CTDSPL: variants seen among roughly 807,000 people sequenced by gnomAD.
The protein encoded by CTDSPL is CTD small phosphatase-like protein.
Under a neutral mutation model 30.5 loss-of-function variants are expected in CTDSPL, and 8 were observed. The observed-to-expected ratio is 0.26, with a 90% CI of 0.15 to 0.47. The LOEUF (loss-of-function observed/expected upper bound fraction) is 0.47, where lower values mean the gene tolerates loss of function less well. Ranked by LOEUF, CTDSPL falls within the 20% of genes least tolerant of loss-of-function variation. The probability of loss-of-function intolerance (pLI) is 0.99; values close to 1 mark genes in which losing one functional copy is unlikely to be tolerated. For synonymous variants in CTDSPL, 110 were observed against 137.9 expected, an observed-to-expected ratio of 0.80 and a Z score of 1.42; for missense variants, 248 against 366.1, an observed-to-expected ratio of 0.68 and a Z score of 2.63.
At chr3:37,965,645 A>G (rs1559646702) in intron 4 of CTDSPL, among the ~76,000 whole-genome samples, 1 of 152,180 alleles carries the variant, frequency 6.6e-6, no homozygotes, top group East Asian at 1.9e-4. Flanking sequence ...GTCTCACATG[A>G]ACCATAGTCA....
chr3:37,964,623 A>T lies in CTDSPL; in HGVS notation c.320A>T (p.Lys107Ile). The T allele has an allele frequency of 6.2e-7, 1 of 1,614,108 alleles. No homozygotes were observed. Among genetic ancestry groups the T allele is most frequent in the Non-Finnish European group, 8.5e-7 (1 of 1,179,968 alleles). Reference sequence around the variant, plus strand: ...GTGACGGTGCTTGACTATGGAAAGAAATGTGTGGTCATTGATTTAGATGAA... The same window carrying T: ...GTGACGGTGCTTGACTATGGAAAGATATGTGTGGTCATTGATTTAGATGAA... Reference protein sequence around the residue: ...PEVTVLDYGKKCVVIDLDETL... With the variant: ...PEVTVLDYGKICVVIDLDETL... The change falls in exon 4 of 8, where the codon AAA becomes ATA. Residue 107 changes from lysine (K) to isoleucine (I), a missense_variant. Physicochemically the swap from Lys to Ile is moderately radical, Grantham distance 102. Transcript: ENST00000273179.
intron 2 of CTDSPL, among the ~76,000 whole-genome samples, chr3:37,948,388 G>C (rs1352806100): frequency 6.6e-6 from 1 of 152,162 alleles, no homozygotes; most frequent in Non-Finnish European, 1.5e-5. Context: ...ATTAATCTCA[G>C]TCAAAATGGA....
At chr3:37,933,398 C>T (rs2125616149) in intron 1 of CTDSPL, among the ~76,000 whole-genome samples, 1 of 152,192 alleles carries the variant, frequency 6.6e-6, no homozygotes, top group Non-Finnish European at 1.5e-5. Context: ...TACTCTTTAC[C>T]CATATAAGAT....
intron 1 of CTDSPL, among the ~76,000 whole-genome samples, chr3:37,863,227 GGATC>G (rs954903119): frequency 6.6e-6 from 1 of 152,218 alleles, no homozygotes; most frequent in Admixed American, 6.5e-5. Context: ...GGGCACTTGT[GGATC>G]CCTTATAGTG....
intron 1 of CTDSPL, among the ~76,000 whole-genome samples, chr3:37,887,568 C>A (rs1471579745): frequency 6.6e-6 from 1 of 152,142 alleles, no homozygotes; most frequent in Non-Finnish European, 1.5e-5. Flanking sequence ...TAATTATATT[C>A]TACAAAATAA....
chr3:37,899,546 G>C (rs1015885828), intron 1 of CTDSPL, among the ~76,000 whole-genome samples: 1 of 152,198 alleles, frequency 6.6e-6, no homozygotes, highest in African/African-American at 2.4e-5. Flanking sequence ...GTTTGGCGTT[G>C]AGAAACTGAG....
At chr3:37,881,024 A>C (rs1698197775) in intron 1 of CTDSPL, among the ~76,000 whole-genome samples, 1 of 149,372 alleles carries the variant, frequency 6.7e-6, no homozygotes, top group Admixed American at 6.7e-5. Context: ...GGGGGACCAA[A>C]AAAAAAAAAA....
At chr3:37,934,472 GA>G (rs1698892273) in intron 1 of CTDSPL, among the ~76,000 whole-genome samples, 1 of 152,082 alleles carries the variant, frequency 6.6e-6, no homozygotes, top group African/African-American at 2.4e-5. Flanking sequence ...TAGATTGTAC[GA>G]ATTTAGAAAT....
At chr3:37,922,308 C>G (rs1575299796) in intron 1 of CTDSPL, among the ~76,000 whole-genome samples, 1 of 152,084 alleles carries the variant, frequency 6.6e-6, no homozygotes. Context: ...ATAAGTTACT[C>G]TCTGAGTTGG....
At chr3:37,968,304 ATCT>A (rs1381021070) in intron 5 of CTDSPL, 1 of 451,948 alleles carries the variant, frequency 2.2e-6, no homozygotes, top group African/African-American at 2.0e-5. Context: ...CTCCAGACTG[ATCT>A]TATCATTCCT....
chr3:37,982,590 TC>T lies in CTDSPL; in HGVS notation c.*1725del, dbSNP rs1486923568. On this transcript the variant is annotated 3_prime_UTR_variant, in exon 8 of 8. Coordinates refer to ENST00000273179, the MANE Select transcript of CTDSPL (RefSeq NM_001008392.2). ...GTAATGAAGCCAGCTGCCAATTACA[TC>T]CTCCCAACAGCACTTTGGTCTGTGG... is the stretch of plus-strand genomic sequence containing the variant. 2 of 456,588 alleles carry T rather than the reference TC, an allele frequency of 4.4e-6. No individual in the cohort carries two copies. The highest frequency in any genetic ancestry group is 2.0e-5 in the African/African-American group (1 of 50,068). 28.3% of individuals were successfully genotyped at this position (456,588 alleles called of 1,614,324 possible). A position where few individuals can be genotyped will look rare whatever the true frequency, so the allele number is the denominator to read the frequency against.
intron 5 of CTDSPL, among the ~76,000 whole-genome samples, chr3:37,970,291 C>G (rs754221653): frequency 6.6e-6 from 1 of 152,146 alleles, no homozygotes; most frequent in Non-Finnish European, 1.5e-5. Flanking sequence ...GTTAATTGTC[C>G]TTAATTTATC....
At chr3:37,970,834 A>T (rs796532312) in intron 5 of CTDSPL, among the ~76,000 whole-genome samples, 20 of 152,278 alleles carry the variant, frequency 1.3e-4, no homozygotes, top group African/African-American at 4.6e-4. Flanking sequence ...CCCACCCTTT[A>T]TGGTGTCATA....
In CTDSPL at chr3:37,939,248, A is replaced by T; in HGVS notation, c.80-7809A>T. Among the ~76,000 whole-genome samples, 2 of 150,286 alleles carry T rather than the reference A, an allele frequency of 1.3e-5. 1 individual carries two copies. Among genetic ancestry groups the T allele is most frequent in the Non-Finnish European group, 3.0e-5 (2 of 67,080 alleles). The stretch of plus-strand genomic sequence containing the variant: ...TAGATTTTCTCTCTTACACAAACAT[A>T]CATGTTTTCACTGTGCCCATACAAT... On this transcript the variant is annotated intron_variant, in intron 1 of 7. Coordinates refer to ENST00000273179, the MANE Select transcript of CTDSPL (RefSeq NM_001008392.2).
chr3:37,956,830 A>G (rs568753316), intron 2 of CTDSPL, among the ~76,000 whole-genome samples: 2 of 152,328 alleles, frequency 1.3e-5, no homozygotes, highest in East Asian at 3.9e-4. Flanking sequence ...TAAGGATTGA[A>G]TTCCTGGGAG....
chr3:37,891,028 T>C (rs1698319587), intron 1 of CTDSPL, among the ~76,000 whole-genome samples: 1 of 152,088 alleles, frequency 6.6e-6, no homozygotes, highest in Non-Finnish European at 1.5e-5. Flanking sequence ...CAAGAGTATA[T>C]CTCTAGGCCA....
At position 37,982,206 on chromosome 3, in the gene CTDSPL, T is replaced by G. The variant is rs1234979370; in HGVS notation, c.*1339T>G. On this transcript the variant is annotated 3_prime_UTR_variant, in exon 8 of 8. Coordinates refer to ENST00000273179, the MANE Select transcript of CTDSPL (RefSeq NM_001008392.2). ...GATGTGGCCCAAGTCCATCTCTTGGTCTTCTCCTTTGAAGCACAGCCTATT... is the reference window on the plus strand; with the variant it reads ...GATGTGGCCCAAGTCCATCTCTTGGGCTTCTCCTTTGAAGCACAGCCTATT... 1 of 309,832 alleles carries G rather than the reference T, an allele frequency of 3.2e-6. No individual in the cohort carries two copies. The highest frequency in any genetic ancestry group is 6.4e-6 in the Non-Finnish European group (1 of 156,860). 19.2% of individuals were successfully genotyped at this position (309,832 alleles called of 1,614,324 possible). A position where few individuals can be genotyped will look rare whatever the true frequency, so the allele number is the denominator to read the frequency against.
At chr3:37,872,132 C>T (rs1698078260) in intron 1 of CTDSPL, among the ~76,000 whole-genome samples, 2 of 152,168 alleles carry the variant, frequency 1.3e-5, no homozygotes, top group Non-Finnish European at 2.9e-5. Flanking sequence ...GCTGCGACTA[C>T]AGGCACATGT....
rs551986927 is a variant in CTDSPL, at chr3:37,981,051, C to A, written c.*184C>A. 1.0e-5 allele frequency: 5 copies of A among 476,404 alleles called. No homozygotes were observed. The Admixed American group carries it at 1.9e-4, about 19-fold the overall frequency. The allele number at this position is 476,404 out of a possible 1,614,324, so 29.5% of individuals were successfully genotyped here. On this transcript the variant is annotated 3_prime_UTR_variant, in exon 8 of 8. Coordinates refer to ENST00000273179, the MANE Select transcript of CTDSPL (RefSeq NM_001008392.2). ...CAGAAACAACTATTTTAAAAGAACT[C>A]TTTTAAGAAATTTCATAAAGGGACA... is the stretch of plus-strand genomic sequence containing the variant.
Sources: allele counts gnomAD v4.1 joint callset (sites outside exome capture counted in the v4.1 genomes callset), GRCh38; gene constraint gnomAD v4.1.1; transcripts MANE v1.5; gene names NCBI Gene and HGNC (gene_info 2026-07-23, HGNC 2026-07-21).